Variants in ZFAND3 observed in about 807,000 individuals in gnomAD.
ZFAND3 encodes the protein zinc finger AN1-type containing 3.
ZFAND3 carries 10 observed loss-of-function variants against 29.6 expected under a neutral mutation model. That is an observed-to-expected ratio of 0.34 (90% CI 0.21 to 0.57). The LOEUF is 0.57. Ranked by LOEUF, ZFAND3 falls within the 20% of genes least tolerant of loss-of-function variation. The pLI is 0.86. For synonymous variants in ZFAND3, 128 were observed against 112.6 expected (o/e 1.14, Z -0.87); for missense variants, 230 against 304.5 (o/e 0.76, Z 1.82).
chr6:37,985,525 ACACC>A lies in ZFAND3; in HGVS notation c.112+55528_112+55531del, dbSNP rs747533565. On this transcript the variant is annotated intron_variant, in intron 2 of 5. Coordinates refer to ENST00000287218, the MANE Select transcript of ZFAND3 (RefSeq NM_021943.3). ...CACACACACACACACACACACACAC[ACACC>A]CCCACACACGCCTGGTGGCACGTGC... Among the ~76,000 whole-genome samples, 1,161 of 147,782 alleles carry A rather than the reference ACACC, an allele frequency of 7.9e-3. 9 individuals carry two copies. The highest frequency in any genetic ancestry group is 0.013 in the Non-Finnish European group (878 of 66,504).
At chr6:38,084,215 A>G (rs868012648) in intron 4 of ZFAND3, among the ~76,000 whole-genome samples, 1 of 152,218 alleles carries the variant, frequency 6.6e-6, no homozygotes, top group Non-Finnish European at 1.5e-5. Context: ...TGAATGAAAT[A>G]TGGAAAAAAT....
intron 3 of ZFAND3, among the ~76,000 whole-genome samples, chr6:38,063,221 A>G (rs1409611683): frequency 6.6e-6 from 1 of 152,256 alleles, no homozygotes; most frequent in Non-Finnish European, 1.5e-5. Flanking sequence ...TAAATCTGTC[A>G]TAAACTGCTA....
At chr6:38,016,049 CAT>C (rs1445947960) in intron 2 of ZFAND3, among the ~76,000 whole-genome samples, 2 of 152,158 alleles carry the variant, frequency 1.3e-5, no homozygotes, top group African/African-American at 4.8e-5. Context: ...CCAGTGGTAA[CAT>C]AGAACAGCAG....
intron 1 of ZFAND3, among the ~76,000 whole-genome samples, chr6:37,844,530 C>G (rs1449887933): frequency 1.3e-5 from 2 of 151,950 alleles, no homozygotes; most frequent in Admixed American, 6.6e-5. Flanking sequence ...ATCTGCCCGC[C>G]TTGGCCTCCC....
At chr6:38,084,700 A>G (rs1311796246) in intron 4 of ZFAND3, among the ~76,000 whole-genome samples, 1 of 152,198 alleles carries the variant, frequency 6.6e-6, no homozygotes, top group East Asian at 1.9e-4. Context: ...ACAGGCATTG[A>G]GCTCTCAGTC....
intron 1 of ZFAND3, among the ~76,000 whole-genome samples, chr6:37,846,799 C>G (rs577916093): frequency 2.6e-5 from 4 of 151,812 alleles, no homozygotes; most frequent in African/African-American, 9.7e-5. Context: ...GCAACCTCCG[C>G]CGCCCAGGTT....
At chr6:37,911,364 C>T (rs1765518141) in intron 1 of ZFAND3, among the ~76,000 whole-genome samples, 1 of 152,094 alleles carries the variant, frequency 6.6e-6, no homozygotes, top group African/African-American at 2.4e-5. Context: ...CTATTCAGAT[C>T]ATTTGACCAT....
At chr6:37,919,053 A>T (rs945526871) in intron 1 of ZFAND3, among the ~76,000 whole-genome samples, 3 of 145,898 alleles carry the variant, frequency 2.1e-5, no homozygotes. Flanking sequence ...TCTCTGGTTC[A>T]GGTGATTCTC....
intron 3 of ZFAND3, among the ~76,000 whole-genome samples, chr6:38,069,709 C>T (rs1419860511): frequency 6.6e-6 from 1 of 152,178 alleles, no homozygotes; most frequent in African/African-American, 2.4e-5. Context: ...TTAAGTTAAT[C>T]TCTGTCAAAA....
At chr6:37,959,882 G>A (rs1419396255) in intron 2 of ZFAND3, among the ~76,000 whole-genome samples, 1 of 152,142 alleles carries the variant, frequency 6.6e-6, no homozygotes, top group Non-Finnish European at 1.5e-5. Context: ...TTGAGAAGGC[G>A]AAATCTGTAT....
At chr6:38,000,652 C>T (rs928425850) in intron 2 of ZFAND3, among the ~76,000 whole-genome samples, 1 of 152,072 alleles carries the variant, frequency 6.6e-6, no homozygotes, top group African/African-American at 2.4e-5. Context: ...CCCACTTGTC[C>T]CTCCCATGAC....
intron 5 of ZFAND3, among the ~76,000 whole-genome samples, chr6:38,127,977 G>A (rs1039729455): frequency 9.9e-5 from 15 of 152,048 alleles, no homozygotes; most frequent in Non-Finnish European, 2.1e-4. Context: ...ACATTTCTTG[G>A]TCTTTCTTCC....
intron 1 of ZFAND3, among the ~76,000 whole-genome samples, chr6:37,882,415 G>A (rs1450520024): frequency 6.6e-6 from 1 of 152,110 alleles, no homozygotes; most frequent in African/African-American, 2.4e-5. Context: ...TACTTGTTAA[G>A]GTTAGGGCTC....
At chr6:37,980,852 TA>T (rs1309261174) in intron 2 of ZFAND3, among the ~76,000 whole-genome samples, 1 of 152,122 alleles carries the variant, frequency 6.6e-6, no homozygotes, top group Non-Finnish European at 1.5e-5. Flanking sequence ...GTCCCCAGAT[TA>T]AAACATAAAG....
chr6:37,880,578 T>C (rs922092891), intron 1 of ZFAND3, among the ~76,000 whole-genome samples: 1 of 152,186 alleles, frequency 6.6e-6, no homozygotes, highest in Admixed American at 6.5e-5. Flanking sequence ...AAAAAGTGTG[T>C]ATTACAAGGT....
intron 1 of ZFAND3, among the ~76,000 whole-genome samples, chr6:37,853,434 AG>A: frequency 1.3e-5 from 2 of 150,928 alleles, no homozygotes; most frequent in East Asian, 1.9e-4. Flanking sequence ...AAAAAAAAAA[AG>A]AAGGTGGACT....
At chr6:38,060,401 C>T (rs1187397659) in intron 2 of ZFAND3, among the ~76,000 whole-genome samples, 1 of 150,510 alleles carries the variant, frequency 6.6e-6, no homozygotes, top group East Asian at 2.0e-4. Flanking sequence ...CTTTCCTTTT[C>T]CTTTCTTGGT....
At chr6:38,093,783 AATC>A (rs1410834996) in intron 4 of ZFAND3, among the ~76,000 whole-genome samples, 1 of 152,190 alleles carries the variant, frequency 6.6e-6, no homozygotes, top group Non-Finnish European at 1.5e-5. Flanking sequence ...AGCAGACAGA[AATC>A]ATTCATTATG....
At chr6:38,142,258 G>C (rs755644265) in intron 5 of ZFAND3, 1 of 471,476 alleles carries the variant, frequency 2.1e-6, no homozygotes, top group South Asian at 1.5e-5. Context: ...TTCTTTTCCA[G>C]GTGTTTCTCT....
Sources: gnomAD v4.1 joint callset for allele counts (sites outside exome capture counted in the v4.1 genomes callset) on GRCh38, gnomAD v4.1.1 for gene constraint, MANE v1.5 for transcripts, NCBI Gene and HGNC (gene_info 2026-07-23, HGNC 2026-07-21) for gene names.